TOR1AIP2: variants seen among roughly 807,000 people sequenced by gnomAD.
The protein encoded by TOR1AIP2 is torsin 1A interacting protein 2, also known as torsin-1A-interacting protein 2.
A neutral mutation model predicts 32.6 loss-of-function variants in TOR1AIP2; 20 were observed. The ratio of observed to expected loss-of-function variants is 0.61; its 90% confidence interval spans 0.43 to 0.89. The LOEUF is 0.89. Among genes scored for constraint, TOR1AIP2 ranks in the 40% least tolerant of loss-of-function variants. TOR1AIP2 has a pLI of 0.00. For synonymous variants in TOR1AIP2, 214 were observed against 210.8 expected, an observed-to-expected ratio of 1.02 and a Z score of -0.13; for missense variants, 456 against 553.8, an observed-to-expected ratio of 0.82 and a Z score of 1.77.
chr1:179,858,323 TA>T (rs889443956), intron 3 of TOR1AIP2, among the ~76,000 whole-genome samples: 1 of 151,670 alleles, frequency 6.6e-6, no homozygotes, highest in African/African-American at 2.4e-5. Context: ...TATATAAATT[TA>T]TAACAAAACA....
At position 179,846,711 on chromosome 1, in the gene TOR1AIP2, T is replaced by A; in HGVS notation, c.773A>T (p.Gln258Leu). 1 of 1,614,098 alleles carries A rather than the reference T, an allele frequency of 6.2e-7. No homozygotes were observed. Among genetic ancestry groups the A allele is most frequent in the Non-Finnish European group, 8.5e-7 (1 of 1,180,020 alleles). Reference sequence around the variant, plus strand: ...AAATTTATCTTCCAATTGGCTAAACTGGGCCAAAAAGGCCTCCAAAGCTGG... The same window carrying A: ...AAATTTATCTTCCAATTGGCTAAACAGGGCCAAAAAGGCCTCCAAAGCTGG... ...KNPALEAFLA[Q>L]FSQLEDKFPG... Residue 258 changes from glutamine to leucine, a missense_variant, in exon 7 of 7, where the codon CAG becomes CTG. By Grantham distance (113) the Gln-to-Leu change is moderately radical (BLOSUM62 -2). Coordinates refer to ENST00000609928, the MANE Select transcript of TOR1AIP2 (RefSeq NM_001199260.2).
In TOR1AIP2 at chr1:179,846,939, A is replaced by G. The variant is rs1695930930; in HGVS notation, c.656-111T>C. The stretch of plus-strand genomic sequence containing the variant: ...ATACCAGCAGGTTTTACTAGGAGCA[A>G]TAAGTTTCTTTTGCATAAATTGTTT... On this transcript the variant is annotated intron_variant, in intron 6 of 6. Coordinates refer to ENST00000609928, the MANE Select transcript of TOR1AIP2 (RefSeq NM_001199260.2). 3 of 1,188,766 alleles carry G rather than the reference A, an allele frequency of 2.5e-6. No individual in the cohort carries two copies. In the South Asian group the frequency reaches 5.4e-5, roughly 21 times the overall value. 73.6% of individuals were successfully genotyped at this position (1,188,766 alleles called of 1,614,324 possible).
In TOR1AIP2 at chr1:179,840,915, T is replaced by TAATAATAATAATAATAATAATAAA. The variant is rs1695701285; in HGVS notation, c.*5155_*5156insTTTATTATTATTATTATTATTATT. 1 of 146,916 alleles carries TAATAATAATAATAATAATAATAAA rather than the reference T, an allele frequency of 6.8e-6. No homozygotes were observed. The highest frequency in any genetic ancestry group is 2.6e-5 in the African/African-American group (1 of 38,324). 9.1% of individuals were successfully genotyped at this position (146,916 alleles called of 1,614,324 possible). ...ATAATAATAATAATAATAATAATAA[T>TAATAATAATAATAATAATAATAAA]AAAGAAGTTATAGCACAGTTTATTA... On this transcript the variant is annotated 3_prime_UTR_variant, in exon 7 of 7. Transcript: ENST00000609928.
intron 3 of TOR1AIP2, chr1:179,858,910 T>A (rs1696408871): frequency 4.5e-6 from 3 of 672,338 alleles, no homozygotes; most frequent in Non-Finnish European, 5.5e-6. Context: ...ACTAAGACCA[T>A]TTTTTAAATG....
intron 3 of TOR1AIP2, chr1:179,861,886 A>T (rs951582925): frequency 1.1e-6 from 1 of 939,062 alleles, no homozygotes; most frequent in African/African-American, 1.8e-5. Context: ...CTTGAAAGAG[A>T]CAGTGGTCTG....
chr1:179,872,620 G>A (rs1697053551), intron 2 of TOR1AIP2, among the ~76,000 whole-genome samples: 1 of 152,212 alleles, frequency 6.6e-6, no homozygotes, highest in Non-Finnish European at 1.5e-5. Flanking sequence ...CACAGGAATT[G>A]AATGCCTGGC....
intron 3 of TOR1AIP2, chr1:179,865,212 C>T: frequency 6.4e-7 from 1 of 1,554,798 alleles, no homozygotes; most frequent in Non-Finnish European, 8.7e-7. Flanking sequence ...AGCAATGTGA[C>T]AGCAAGAGAC....
intron 3 of TOR1AIP2, among the ~76,000 whole-genome samples, chr1:179,857,553 G>A (rs991936705): frequency 1.3e-5 from 2 of 152,174 alleles, no homozygotes; most frequent in African/African-American, 4.8e-5. Flanking sequence ...TGTCTTCTAA[G>A]ATGTATCCTT....
intron 3 of TOR1AIP2, chr1:179,864,539 T>C: frequency 6.5e-6 from 8 of 1,233,046 alleles, no homozygotes; most frequent in Non-Finnish European, 8.1e-6. Flanking sequence ...TTATAGGAAA[T>C]ACGGATTAGC....
In TOR1AIP2 at chr1:179,844,855, T is replaced by G. The variant is rs1473292526; in HGVS notation, c.*1216A>C. On this transcript the variant is annotated 3_prime_UTR_variant, in exon 7 of 7. Transcript: ENST00000609928. Reference sequence around the variant, plus strand: ...ATATAAAATTTACTATTAAATTGGTTATTCAAAAATAAATTTTTAAAATAA... The same window carrying G: ...ATATAAAATTTACTATTAAATTGGTGATTCAAAAATAAATTTTTAAAATAA... The G allele has an allele frequency of 6.6e-6, 1 of 152,240 alleles. No homozygotes were observed. The highest frequency in any genetic ancestry group is 1.5e-5 in the Non-Finnish European group (1 of 68,030). 9.4% of individuals were successfully genotyped at this position (152,240 alleles called of 1,614,324 possible). A position where few individuals can be genotyped will look rare whatever the true frequency, so the allele number is the denominator to read the frequency against.
intron 1 of TOR1AIP2, 32 bp from the exon 2 acceptor site, chr1:179,877,405 G>A (rs1348431245): frequency 2.0e-5 from 3 of 152,074 alleles, no homozygotes; most frequent in Non-Finnish European, 2.9e-5. Flanking sequence ...TAATTAGTAG[G>A]GCATGGTGGT....
intron 2 of TOR1AIP2, chr1:179,868,074 C>T (rs1251313344): frequency 6.6e-6 from 1 of 152,258 alleles, no homozygotes; most frequent in Non-Finnish European, 1.5e-5. Flanking sequence ...CACCCCAACA[C>T]TCACAGCTTC....
intron 3 of TOR1AIP2, chr1:179,858,979 G>C (rs531367920): frequency 2.1e-6 from 2 of 954,246 alleles, no homozygotes; most frequent in African/African-American, 1.8e-5. Flanking sequence ...GCCATTCCAG[G>C]ATGGTAGTTT....
rs142848797 is a variant in TOR1AIP2 at position 179,859,290 on chromosome 1, A to G, written c.-147+6146T>C. 2,063 of 822,584 alleles carry G rather than the reference A, an allele frequency of 2.5e-3. 3 individuals carry two copies. Among genetic ancestry groups the G allele is most frequent in the Middle Eastern group, 5.0e-3 (8 of 1,606 alleles). The allele number at this position is 822,584 out of a possible 1,614,324, so 51.0% of individuals were successfully genotyped here. ...TTCACAACAATCTTATGAGGTGTAG[A>G]CTATTAATATTCCTACTATTTTAGA... On this transcript the variant is annotated intron_variant, in intron 3 of 6. Coordinates refer to ENST00000609928, the MANE Select transcript of TOR1AIP2 (RefSeq NM_001199260.2).
At chr1:179,866,086 T>C (rs966272103) in intron 2 of TOR1AIP2, among the ~76,000 whole-genome samples, 2 of 152,172 alleles carry the variant, frequency 1.3e-5, no homozygotes, top group Non-Finnish European at 2.9e-5. Context: ...TATTTCTTCT[T>C]TACTCCATGT....
At chr1:179,857,893 T>C (rs1459605109) in intron 3 of TOR1AIP2, among the ~76,000 whole-genome samples, 1 of 152,164 alleles carries the variant, frequency 6.6e-6, no homozygotes, top group African/African-American at 2.4e-5. Context: ...ATTAACTCAT[T>C]TAACCTTCAC....
At chr1:179,857,013 C>A (rs1696327332) in intron 3 of TOR1AIP2, among the ~76,000 whole-genome samples, 1 of 152,336 alleles carries the variant, frequency 6.6e-6, no homozygotes, top group Middle Eastern at 3.4e-3. Flanking sequence ...GAGCCTCATC[C>A]TGAAGGAAAA....
chr1:179,842,760 A>G lies in TOR1AIP2; in HGVS notation c.*3311T>C, dbSNP rs1415109582. ...AAATCTGAAACCTTAAAAAATGTCA[A>G]TAGGCCGGGTGCGGTGGCTCACGCC... On this transcript the variant is annotated 3_prime_UTR_variant, in exon 7 of 7. Transcript: ENST00000609928. 6.6e-6 allele frequency: 1 copy of G among 152,214 alleles called. No homozygotes were observed. Among genetic ancestry groups the G allele is most frequent in the Non-Finnish European group, 1.5e-5 (1 of 68,028 alleles). 9.4% of individuals were successfully genotyped at this position (152,214 alleles called of 1,614,324 possible). A position where few individuals can be genotyped will look rare whatever the true frequency, so the allele number is the denominator to read the frequency against.
intron 3 of TOR1AIP2, chr1:179,864,542 GGATTAGCCTCAGTCTAGATGAACA>G (rs549055476): frequency 3.9e-5 from 48 of 1,227,846 alleles, no homozygotes; most frequent in South Asian, 5.8e-5. Flanking sequence ...TAGGAAATAC[GGATTAGCCTCAGTCTAGATGAACA>G]GATTAGCCTC....
Sources: allele counts gnomAD v4.1 joint callset (sites outside exome capture counted in the v4.1 genomes callset), GRCh38; gene constraint gnomAD v4.1.1; transcripts MANE v1.5; gene names NCBI Gene and HGNC (gene_info 2026-07-23, HGNC 2026-07-21).